Variants in DNAAF5 observed in about 807,000 individuals in gnomAD.
DNAAF5 encodes the protein dynein axonemal assembly factor 5, also known as HEAT repeat containing 2.
DNAAF5 carries 64 observed loss-of-function variants against 75.8 expected under a neutral mutation model. That is an observed-to-expected ratio of 0.84 (90% CI 0.69 to 1.04). The LOEUF (loss-of-function observed/expected upper bound fraction) is 1.04. Ranked by LOEUF, DNAAF5 falls within the 50% of genes least tolerant of loss-of-function variation. DNAAF5 has a pLI of 0.00. For missense variants in DNAAF5, 1,269 were observed against 1,178.5 expected (o/e 1.08, Z -1.12); for synonymous variants, 657 against 557.2 (o/e 1.18, Z -2.52).
intron 12 of DNAAF5, among the ~76,000 whole-genome samples, chr7:781,631 A>C (rs1778946319): frequency 7.3e-6 from 1 of 137,300 alleles, no homozygotes; most frequent in Non-Finnish European, 1.7e-5. Context: ...TCCCACCAGC[A>C]GCGTGAGGGT....
chr7:743,552 C>T (rs930583521), intron 4 of DNAAF5, among the ~76,000 whole-genome samples: 1 of 55,930 alleles, frequency 1.8e-5, no homozygotes, highest in Non-Finnish European at 4.6e-5. Context: ...AGTTGCTGTA[C>T]AGGGAAAGCA....
At chr7:775,301 T>G in intron 11 of DNAAF5, 139 bp downstream of exon 11, 1 of 779,616 alleles carries the variant, frequency 1.3e-6, no homozygotes, top group African/African-American at 1.7e-5. Flanking sequence ...CACCTTTAAT[T>G]CCAGCACTTT....
At chr7:761,487 A>G (rs911218950) in intron 6 of DNAAF5, among the ~76,000 whole-genome samples, 1 of 152,278 alleles carries the variant, frequency 6.6e-6, no homozygotes, top group Non-Finnish European at 1.5e-5. Context: ...TCATGGTGGA[A>G]GGCAAAGGAG....
At chr7:778,020 T>C (rs1181165834) in intron 11 of DNAAF5, among the ~76,000 whole-genome samples, 2 of 152,084 alleles carry the variant, frequency 1.3e-5, no homozygotes, top group Non-Finnish European at 1.5e-5. Context: ...CAGACATGAA[T>C]TTTCAGATTC....
chr7:754,665 C>T lies in DNAAF5; in HGVS notation c.1101C>T (p.Asp367=), dbSNP rs1782425908. The change falls in exon 5 of 13, where the codon GAC becomes GAT. Residue 367 remains aspartate, a synonymous_variant. Coordinates refer to ENST00000297440, the MANE Select transcript of DNAAF5 (RefSeq NM_017802.4). This position sits in a 1 kb window ranked among gnomAD's most constrained non-coding sequence, Gnocchi z 4.8. ...LSKILPALCH[D]ITDWVVGTRV... ...AGATCCTCCCTGCCCTGTGCCACGA[C>T]ATCACCGACTGGGTGGTGGGGACCC... The T allele has an allele frequency of 2.5e-6, 4 of 1,614,014 alleles. No homozygotes were observed. The highest frequency in any genetic ancestry group is 3.4e-6 in the Non-Finnish European group (4 of 1,180,034).
intron 8 of DNAAF5, among the ~76,000 whole-genome samples, chr7:767,475 C>T (rs185715133): frequency 6.6e-4 from 100 of 152,266 alleles, no homozygotes; most frequent in South Asian, 1.7e-3. Flanking sequence ...AAATATGCAT[C>T]GGGGCATAAT....
intron 1 of DNAAF5, among the ~76,000 whole-genome samples, chr7:728,284 C>T (rs1037330118): frequency 3.3e-5 from 5 of 152,172 alleles, no homozygotes; most frequent in African/African-American, 1.2e-4. Flanking sequence ...TGCTATAAAT[C>T]CGTGGGCGGT....
intron 8 of DNAAF5, among the ~76,000 whole-genome samples, chr7:766,015 C>A (rs1042075159): frequency 2.0e-5 from 3 of 152,146 alleles, no homozygotes; most frequent in African/African-American, 7.2e-5. Flanking sequence ...TTTTTGTAGA[C>A]ATGGGGTCTC....
In DNAAF5 at chr7:729,569, A is replaced by T. The variant is rs1176236254; in HGVS notation, c.596-94A>T. 3 of 1,190,108 alleles carry T rather than the reference A, an allele frequency of 2.5e-6. No individual in the cohort carries two copies. The Admixed American group carries it at 6.7e-5, about 27-fold the overall frequency. The allele number at this position is 1,190,108 out of a possible 1,614,324, so 73.7% of individuals were successfully genotyped here. ...CGTAGGAGAGGAAGGGAGGTGAGGAACTCATAGGCAGGCAGCCGTCCTCTG... is the reference window on the plus strand; with the variant it reads ...CGTAGGAGAGGAAGGGAGGTGAGGATCTCATAGGCAGGCAGCCGTCCTCTG... On this transcript the variant is annotated intron_variant, in intron 1 of 12. Transcript: ENST00000297440.
intron 8 of DNAAF5, among the ~76,000 whole-genome samples, chr7:764,198 C>G (rs1782752352): frequency 6.6e-6 from 1 of 152,238 alleles, no homozygotes; most frequent in Non-Finnish European, 1.5e-5. Flanking sequence ...GGCCCGGGCA[C>G]ACGCTTTCAT....
intron 9 of DNAAF5, among the ~76,000 whole-genome samples, chr7:773,524 G>A (rs1193270250): frequency 6.8e-6 from 1 of 148,108 alleles, no homozygotes; most frequent in Non-Finnish European, 1.5e-5. Flanking sequence ...TCTGAGCTGT[G>A]GCCCTTGGGT....
chr7:755,704 C>T lies in DNAAF5; in HGVS notation c.1257+883C>T, dbSNP rs139326213. 3.0e-3 allele frequency among the ~76,000 whole-genome samples: 458 copies of T among 152,262 alleles called. 6 individuals carry two copies. The highest frequency in any genetic ancestry group is 0.01 in the African/African-American group (424 of 41,562). ...TATGATTGCGCCACTACTCTCCAGC[C>T]TGGGCGACGGAATGAGACGCTGTCT... is the stretch of plus-strand genomic sequence containing the variant. On this transcript the variant is annotated intron_variant, in intron 5 of 12. Coordinates refer to ENST00000297440, the MANE Select transcript of DNAAF5 (RefSeq NM_017802.4).
At chr7:785,443 G>C in intron 12 of DNAAF5, 74 bp from the exon 13 acceptor site, 1 of 1,552,864 alleles carries the variant, frequency 6.4e-7, no homozygotes, top group Non-Finnish European at 8.8e-7. Context: ...TCACTACAAA[G>C]CCAATTTGCA....
intron 4 of DNAAF5, among the ~76,000 whole-genome samples, chr7:746,118 C>G (rs1326902240): frequency 6.6e-6 from 1 of 152,160 alleles, no homozygotes; most frequent in Non-Finnish European, 1.5e-5. Flanking sequence ...AGATTTTTTT[C>G]TACAGTATTT....
intron 2 of DNAAF5, among the ~76,000 whole-genome samples, chr7:733,042 C>T (rs1475571959): frequency 6.6e-6 from 1 of 152,322 alleles, no homozygotes; most frequent in African/African-American, 2.4e-5. Flanking sequence ...AAACTGTCCT[C>T]TCCCCAAGAT....
At chr7:747,201 T>A (rs1343671404) in intron 4 of DNAAF5, among the ~76,000 whole-genome samples, 2 of 152,236 alleles carry the variant, frequency 1.3e-5, no homozygotes, top group African/African-American at 4.8e-5. Flanking sequence ...CACACACTGT[T>A]TTCCACACCC....
At chr7:785,490 T>C in intron 12 of DNAAF5, 27 bp from the exon 13 acceptor site, 1 of 1,607,886 alleles carries the variant, frequency 6.2e-7, no homozygotes, top group Non-Finnish European at 8.5e-7. Context: ...GTTTCTGGCA[T>C]GTTCAAGGTG....
chr7:778,134 T>G (rs1319688832), intron 11 of DNAAF5: 1 of 152,224 alleles, frequency 6.6e-6, no homozygotes, highest in Non-Finnish European at 1.5e-5. Flanking sequence ...GTTTTTATTC[T>G]TTAGTAACAA....
chr7:764,360 A>G (rs1782756291), intron 8 of DNAAF5, among the ~76,000 whole-genome samples: 1 of 152,168 alleles, frequency 6.6e-6, no homozygotes, highest in South Asian at 2.1e-4. Context: ...TGAGACCAGC[A>G]TTTCTGTGGT....
Sources: allele counts gnomAD v4.1 joint callset (sites outside exome capture counted in the v4.1 genomes callset), GRCh38; gene constraint gnomAD v4.1.1; non-coding constraint Gnocchi (gnomAD v3.1); transcripts MANE v1.5; gene names NCBI Gene and HGNC (gene_info 2026-07-23, HGNC 2026-07-21).